RUBCN: variants seen among roughly 807,000 people sequenced by gnomAD.
RUBCN encodes run domain Beclin-1-interacting and cysteine-rich domain-containing protein.
RUBCN carries 74 observed loss-of-function variants against 113.2 expected under a neutral mutation model. The observed-to-expected ratio is 0.65, with a 90% CI of 0.54 to 0.79. The LOEUF (loss-of-function observed/expected upper bound fraction) is 0.79. Among genes scored for constraint, RUBCN ranks in the 30% least tolerant of loss-of-function variants. The pLI, the probability that RUBCN is intolerant of heterozygous loss-of-function variation, is 0.00. For missense variants in RUBCN, 1,109 were observed against 1,251.7 expected (o/e 0.89, Z 1.72); for synonymous variants, 480 against 490.0 (o/e 0.98, Z 0.27).
chr3:197,718,231 C>T (rs1274250558), intron 1 of RUBCN, 101 bp from the exon 2 acceptor site: 2 of 1,262,326 alleles, frequency 1.6e-6, no homozygotes, highest in Non-Finnish European at 2.3e-6. Flanking sequence ...TGCCCCACAT[C>T]CTAACATTCT....
chr3:197,674,859 C>CCTT lies in RUBCN; in HGVS notation c.*158_*159insAAG. 1 of 606,736 alleles carries CCTT rather than the reference C, an allele frequency of 1.6e-6. No homozygotes were observed. Among genetic ancestry groups the CCTT allele is most frequent in the Non-Finnish European group, 2.6e-6 (1 of 378,920 alleles). 37.6% of individuals were successfully genotyped at this position (606,736 alleles called of 1,614,324 possible). On this transcript the variant is annotated 3_prime_UTR_variant, in exon 20 of 20. Coordinates refer to ENST00000296343, the MANE Select transcript of RUBCN (RefSeq NM_014687.4). ...ATCAACCTGCCGACGGCTGACTGCA[C>CCTT]ACAGACGTCAGACAAGTCAGTAAAA...
rs1326093184 is a variant in RUBCN, at chr3:197,668,881, T to C, written c.*6137A>G. Among the ~76,000 whole-genome samples, 1 of 152,210 alleles carries C rather than the reference T, an allele frequency of 6.6e-6. No individual in the cohort carries two copies. The highest frequency in any genetic ancestry group is 1.5e-5 in the Non-Finnish European group (1 of 68,038). On this transcript the variant is annotated 3_prime_UTR_variant, in exon 20 of 20. Coordinates refer to ENST00000296343, the MANE Select transcript of RUBCN (RefSeq NM_014687.4). ...AAAAGAATCTCTAAAATTAACTCTT[T>C]AATTTATGGAAAATGACTCATTTAC... is the stretch of plus-strand genomic sequence containing the variant.
chr3:197,686,784 C>T (rs1424012475), intron 11 of RUBCN, among the ~76,000 whole-genome samples: 5 of 152,128 alleles, frequency 3.3e-5, no homozygotes, highest in African/African-American at 4.8e-5. Context: ...TTTTTTTGTA[C>T]AAAAACAAGT....
At chr3:197,678,413 G>A (rs540254213) in intron 16 of RUBCN, among the ~76,000 whole-genome samples, 7 of 149,052 alleles carry the variant, frequency 4.7e-5, no homozygotes, top group Admixed American at 2.0e-4. Context: ...ACTGTCCTAC[G>A]CTCTAACTCG....
chr3:197,717,260 G>A (rs532792093), intron 2 of RUBCN, among the ~76,000 whole-genome samples: 4 of 151,900 alleles, frequency 2.6e-5, no homozygotes, highest in Admixed American at 1.3e-4. Context: ...TGGCTAACAC[G>A]GTGAAACCCC....
rs770616625 is a variant in RUBCN at position 197,675,400 on chromosome 3, C to T, written c.2740+22G>A. 6.3e-6 allele frequency: 10 copies of T among 1,599,678 alleles called. No homozygotes were observed. The Admixed American group carries it at 6.7e-5, about 11-fold the overall frequency. On this transcript the variant is annotated intron_variant, in intron 19 of 19. Coordinates refer to ENST00000296343, the MANE Select transcript of RUBCN (RefSeq NM_014687.4). This position sits in a 1 kb window ranked among gnomAD's most constrained non-coding sequence, Gnocchi z 4.4. ...AGCCCTGTGTTCAGGCTCACTTGCC[C>T]GATGCCTGCACCTGCCCTCACCTTC...
In RUBCN at chr3:197,677,492, C is replaced by T. The variant is rs1331389103; in HGVS notation, c.2480G>A (p.Arg827Gln). ...CAAAAGGACTTACTCCTTGGCCAGT[C>T]GGCAAGTCTTGAACATGTTCTTCAT... ...CHMKNMFKTCRLAKELLDSFD... is the reference protein window; with the variant it reads ...CHMKNMFKTCQLAKELLDSFD... The change falls in exon 17 of 20, where the codon CGA becomes CAA. Residue 827 changes from arginine (R) to glutamine (Q), a missense_variant. Arg to Gln is a conservative substitution (Grantham distance 43). Coordinates refer to ENST00000296343, the MANE Select transcript of RUBCN (RefSeq NM_014687.4). 27 of 1,614,006 alleles carry T rather than the reference C, an allele frequency of 1.7e-5. No homozygotes were observed. Among genetic ancestry groups the T allele is most frequent in the East Asian group, 2.2e-5 (1 of 44,902 alleles).
At chr3:197,720,252 T>A (rs1725998501) in intron 1 of RUBCN, among the ~76,000 whole-genome samples, 1 of 152,132 alleles carries the variant, frequency 6.6e-6, no homozygotes, top group African/African-American at 2.4e-5. Context: ...GATTACCGAG[T>A]AATAGCATGT....
At chr3:197,686,657 G>T (rs1374831481) in intron 11 of RUBCN, among the ~76,000 whole-genome samples, 1 of 152,246 alleles carries the variant, frequency 6.6e-6, no homozygotes, top group Non-Finnish European at 1.5e-5. Flanking sequence ...AGTGAAGAGA[G>T]GGGGAGCTGC....
chr3:197,693,743 A>T lies in RUBCN; in HGVS notation c.1758T>A (p.Ala586=). Residue 586 remains alanine, a synonymous_variant, in exon 11 of 20, where the codon GCT becomes GCA. Transcript: ENST00000296343. ...GGATTTCAAATTCATCAACCTCATC[A>T]GCAGAGCCAGAGTCAGAGAGCTGTG... ...DSAQLSDSGS[A]DEVDEFEIQD... 6.2e-7 allele frequency: 1 copy of T among 1,613,718 alleles called. No homozygotes were observed. The highest frequency in any genetic ancestry group is 1.3e-5 in the African/African-American group (1 of 75,056).
chr3:197,730,885 C>CTTTTTTTTTTTTTTTTTTTTTTTTTTT (rs71166707), intron 1 of RUBCN, among the ~76,000 whole-genome samples: 2 of 50,006 alleles, frequency 4.0e-5, no homozygotes, highest in African/African-American at 8.0e-5. Context: ...TTAAAAGCAT[C>CTTTTTTTTTTTTTTTTTTTTTTTTTTT]TTTTTTTTTT....
chr3:197,739,137 C>T (rs772837297), upstream of RUBCN, among the ~76,000 whole-genome samples: 23 of 151,702 alleles, frequency 1.5e-4, no homozygotes, highest in South Asian at 4.2e-4. Flanking sequence ...GACAAGGTTT[C>T]TCCATGTTGG....
At chr3:197,684,716 A>G (rs891817720) in intron 11 of RUBCN, among the ~76,000 whole-genome samples, 8 of 149,962 alleles carry the variant, frequency 5.3e-5, no homozygotes, top group Non-Finnish European at 1.0e-4. Flanking sequence ...ACGCACACAC[A>G]TATATGTGTG....
chr3:197,675,297 G>C lies in RUBCN; in HGVS notation c.2741-101C>G, dbSNP rs1720244372. 6.5e-7 allele frequency: 1 copy of C among 1,532,688 alleles called. No homozygotes were observed. The highest frequency in any genetic ancestry group is 9.0e-7 in the Non-Finnish European group (1 of 1,107,552). 94.9% of individuals were successfully genotyped at this position (1,532,688 alleles called of 1,614,324 possible). On this transcript the variant is annotated intron_variant, in intron 19 of 19. Transcript: ENST00000296343. The surrounding 1 kb of genome is among the most constrained non-coding windows in gnomAD (Gnocchi z 4.4). The stretch of plus-strand genomic sequence containing the variant: ...AGCCCCTTCTCGCCACCAAGGCGTG[G>C]TGTCCCCTGGGGAGGCCCCGCGAGG...
At position 197,669,364 on chromosome 3, in the gene RUBCN, C is replaced by T. The variant is rs558276654; in HGVS notation, c.*5654G>A. The stretch of plus-strand genomic sequence containing the variant: ...CTGCTTAGTCTCCTCTCGTCCGTGA[C>T]GGCATCTCTTTCCTTGTTTTCGAGA... On this transcript the variant is annotated 3_prime_UTR_variant, in exon 20 of 20. Coordinates refer to ENST00000296343, the MANE Select transcript of RUBCN (RefSeq NM_014687.4). Among the ~76,000 whole-genome samples, 1 of 152,316 alleles carries T rather than the reference C, an allele frequency of 6.6e-6. No homozygotes were observed. Among genetic ancestry groups the T allele is most frequent in the South Asian group, 2.1e-4 (1 of 4,820 alleles).
At chr3:197,712,331 C>A (rs921810763) in intron 2 of RUBCN, among the ~76,000 whole-genome samples, 10 of 152,250 alleles carry the variant, frequency 6.6e-5, no homozygotes, top group African/African-American at 1.9e-4. Flanking sequence ...TTTCCTAAGG[C>A]CCTGAGTGAA....
chr3:197,716,535 G>A (rs1725535611), intron 2 of RUBCN, among the ~76,000 whole-genome samples: 1 of 152,188 alleles, frequency 6.6e-6, no homozygotes, highest in African/African-American at 2.4e-5. Context: ...AAAAAAACCA[G>A]CATGGTTTTA....
upstream of RUBCN, chr3:197,736,932 C>A (rs1183055210): frequency 1.5e-6 from 2 of 1,342,802 alleles, no homozygotes; most frequent in Admixed American, 4.0e-5. Flanking sequence ...GGGACTACAG[C>A]CCCCGGCGAG....
intron 1 of RUBCN, among the ~76,000 whole-genome samples, chr3:197,742,985 A>G (rs745369801): frequency 1.3e-5 from 2 of 152,200 alleles, no homozygotes; most frequent in Non-Finnish European, 2.9e-5. Context: ...TAGGGAGGGC[A>G]AGGCCTAATA....
Sources: allele counts gnomAD v4.1 joint callset (sites outside exome capture counted in the v4.1 genomes callset), GRCh38; gene constraint gnomAD v4.1.1; non-coding constraint Gnocchi (gnomAD v3.1); transcripts MANE v1.5; gene names NCBI Gene and HGNC (gene_info 2026-07-23, HGNC 2026-07-21).